Variants in GLMN observed in about 807,000 individuals in gnomAD.
The protein encoded by GLMN is glomulin.
Under a neutral mutation model 87.8 loss-of-function variants are expected in GLMN, and 75 were observed. That is an observed-to-expected ratio of 0.85 (90% CI 0.71 to 1.04). GLMN has a LOEUF of 1.04. Ranked by LOEUF, GLMN falls within the 50% of genes least tolerant of loss-of-function variation. The pLI, the probability that GLMN is intolerant of heterozygous loss-of-function variation, is 0.00. For synonymous variants in GLMN, 206 were observed against 221.6 expected (o/e 0.93, Z 0.63); for missense variants, 588 against 658.8 (o/e 0.89, Z 1.18).
chr1:92,253,909 A>C (rs971154612), intron 16 of GLMN, among the ~76,000 whole-genome samples: 1 of 152,222 alleles, frequency 6.6e-6, no homozygotes, highest in Non-Finnish European at 1.5e-5. Context: ...AACTGGACAG[A>C]GAATGAGTTT....
the GLMN span, among the ~76,000 whole-genome samples, chr1:92,349,409 C>T: frequency 6.6e-6 from 1 of 152,088 alleles, no homozygotes; most frequent in Non-Finnish European, 1.5e-5. Context: ...CATACATACA[C>T]CTATATATAA....
At chr1:92,344,877 ATTCCCTG>A in the GLMN span, among the ~76,000 whole-genome samples, 1 of 151,966 alleles carries the variant, frequency 6.6e-6, no homozygotes, top group African/African-American at 2.4e-5. Flanking sequence ...TCCTCTATAA[ATTCCCTG>A]TTCATATCCT....
At position 92,264,839 on chromosome 1, in the gene GLMN, ATTTAT is replaced by A. The variant is rs1655431183; in HGVS notation, c.1215-206_1215-202del. On this transcript the variant is annotated intron_variant, in intron 13 of 18. Transcript: ENST00000370360. ...TGCTCTCACTAAATGGTAAATTCTT[ATTTAT>A]TTTATTTTACTTTTTTAGACAGAGT... Among the ~76,000 whole-genome samples, 4 of 152,136 alleles carry A rather than the reference ATTTAT, an allele frequency of 2.6e-5. No homozygotes were observed. In the East Asian group the frequency reaches 5.8e-4, roughly 22 times the overall value.
the GLMN span, among the ~76,000 whole-genome samples, chr1:92,334,623 G>A: frequency 6.6e-6 from 1 of 152,022 alleles, no homozygotes; most frequent in Non-Finnish European, 1.5e-5. Context: ...TGAGGCAAGG[G>A]GATCACCTGA....
At chr1:92,337,203 T>A in the GLMN span, among the ~76,000 whole-genome samples, 1 of 152,048 alleles carries the variant, frequency 6.6e-6, no homozygotes, top group Non-Finnish European at 1.5e-5. Flanking sequence ...TTATCATATA[T>A]ATTTATTATT....
the GLMN span, among the ~76,000 whole-genome samples, chr1:92,361,102 T>TAC: frequency 8.4e-4 from 72 of 85,986 alleles, 1 homozygote; most frequent in Admixed American, 4.7e-3. Context: ...AATATATATA[T>TAC]ACACACACAC....
the GLMN span, chr1:92,324,242 C>A: frequency 6.8e-6 from 11 of 1,614,008 alleles, no homozygotes; most frequent in East Asian, 4.5e-5. Context: ...GGCTCAGGTA[C>A]AGCCATTAAA....
chr1:92,263,426 T>G (rs1416442719), intron 15 of GLMN, among the ~76,000 whole-genome samples, 197 bp downstream of exon 15: 1 of 152,220 alleles, frequency 6.6e-6, no homozygotes, highest in African/African-American at 2.4e-5. Context: ...GTCATTCATC[T>G]AGAAAGAGGA....
intron 7 of GLMN, among the ~76,000 whole-genome samples, chr1:92,280,216 G>A (rs527870053): frequency 5.9e-5 from 9 of 152,298 alleles, no homozygotes; most frequent in African/African-American, 7.2e-5. Context: ...GTAGGGGGCC[G>A]ACAGACACCT....
At chr1:92,363,971 T>C in the GLMN span, among the ~76,000 whole-genome samples, 2 of 152,162 alleles carry the variant, frequency 1.3e-5, no homozygotes, top group Non-Finnish European at 2.9e-5. Context: ...TAGTTAAGTT[T>C]TGGGGAGTCA....
chr1:92,257,803 A>G (rs1462020198), intron 16 of GLMN, among the ~76,000 whole-genome samples: 1 of 152,204 alleles, frequency 6.6e-6, no homozygotes, highest in East Asian at 1.9e-4. Flanking sequence ...CCAAAACCAT[A>G]AAAACCCTAG....
the GLMN span, chr1:92,304,085 T>G: frequency 1.3e-6 from 2 of 1,561,844 alleles, no homozygotes; most frequent in African/African-American, 1.4e-5. Context: ...TGTAAGTAAC[T>G]CATTTTTTTT....
chr1:92,251,718 T>A (rs1295140879), intron 16 of GLMN, among the ~76,000 whole-genome samples: 1 of 152,118 alleles, frequency 6.6e-6, no homozygotes, highest in Non-Finnish European at 1.5e-5. Context: ...GTAGAAGTTC[T>A]AAGTTGAAAA....
intron 9 of GLMN, among the ~76,000 whole-genome samples, chr1:92,269,411 A>C (rs1375758319): frequency 6.6e-6 from 1 of 152,120 alleles, no homozygotes; most frequent in African/African-American, 2.4e-5. Context: ...AAGATGGAGG[A>C]GGATGCAGTG....
At chr1:92,280,208 AG>A (rs1224564036) in intron 7 of GLMN, among the ~76,000 whole-genome samples, 12 of 152,194 alleles carry the variant, frequency 7.9e-5, no homozygotes, top group African/African-American at 2.9e-4. Flanking sequence ...ACCTGCCAGT[AG>A]GGGGCCGACA....
the GLMN span, among the ~76,000 whole-genome samples, chr1:92,312,557 GA>G: frequency 3.9e-5 from 6 of 152,262 alleles, no homozygotes; most frequent in East Asian, 1.2e-3. Context: ...TCCATCTCAA[GA>G]AACCAGTTTC....
the GLMN span, among the ~76,000 whole-genome samples, chr1:92,325,586 A>G: frequency 2.0e-5 from 3 of 152,280 alleles, no homozygotes; most frequent in Middle Eastern, 6.8e-3. Flanking sequence ...GTTACATAAC[A>G]TGTTAAAACA....
At chr1:92,301,091 T>C (rs1396025506), upstream of GLMN, among the ~76,000 whole-genome samples, 3 of 152,216 alleles carry the variant, frequency 2.0e-5, no homozygotes, top group South Asian at 2.1e-4. Context: ...AAGTAGACAT[T>C]AACCATACAA....
At chr1:92,250,471 T>C (rs537379027) in intron 16 of GLMN, among the ~76,000 whole-genome samples, 81 of 152,340 alleles carry the variant, frequency 5.3e-4, no homozygotes, top group Non-Finnish European at 7.2e-4. Context: ...GTTTTTAGTA[T>C]TTCAAAATAA....
Sources: gnomAD v4.1 joint callset for allele counts (sites outside exome capture counted in the v4.1 genomes callset) on GRCh38, gnomAD v4.1.1 for gene constraint, MANE v1.5 for transcripts, NCBI Gene and HGNC (gene_info 2026-07-23, HGNC 2026-07-21) for gene names.